The following DRAM1 variants were observed in gnomAD, a reference collection of about 807,000 sequenced individuals.
DRAM1 encodes the protein DNA damage-regulated autophagy modulator protein 1.
A neutral mutation model predicts 28.5 loss-of-function variants in DRAM1; 25 were observed. The ratio of observed to expected loss-of-function variants is 0.88; its 90% confidence interval spans 0.64 to 1.23. DRAM1 has a LOEUF of 1.23. Among genes scored for constraint, DRAM1 ranks in the 50% most tolerant of loss-of-function variants. DRAM1 has a pLI of 0.00. For missense variants in DRAM1, 249 were observed against 299.2 expected, an observed-to-expected ratio of 0.83 and a Z score of 1.24; for synonymous variants, 113 against 114.2, an observed-to-expected ratio of 0.99 and a Z score of 0.07.
At chr12:101,879,296 G>A (rs1293910748) in intron 1 of DRAM1, among the ~76,000 whole-genome samples, 2 of 152,078 alleles carry the variant, frequency 1.3e-5, no homozygotes, top group Admixed American at 1.3e-4. Context: ...GTGTTCCCAG[G>A]GAACCAGCAT....
chr12:101,914,688 C>G (rs1307191074), intron 5 of DRAM1, among the ~76,000 whole-genome samples: 2 of 151,988 alleles, frequency 1.3e-5, no homozygotes, highest in African/African-American at 4.8e-5. Context: ...GACAGAGTCT[C>G]GCTCTGTCAC....
chr12:101,891,073 A>G (rs896500904), intron 1 of DRAM1, among the ~76,000 whole-genome samples: 3 of 152,184 alleles, frequency 2.0e-5, no homozygotes, highest in Non-Finnish European at 2.9e-5. Context: ...TAAAACAGTC[A>G]TCACCAAGTG....
At chr12:101,916,825 G>A (rs1177960168) in intron 5 of DRAM1, among the ~76,000 whole-genome samples, 2 of 152,196 alleles carry the variant, frequency 1.3e-5, no homozygotes, top group African/African-American at 4.8e-5. Flanking sequence ...GGGTGGCCAT[G>A]GGATAGAGGA....
Position 101,897,871 on chromosome 12 carries a change from GAAC to G in DRAM1, c.145_147del (p.Thr49del), listed in dbSNP as rs754819729. 18 of 1,610,174 alleles carry G rather than the reference GAAC, an allele frequency of 1.1e-5. No homozygotes were observed. The highest frequency in any genetic ancestry group is 8.5e-7 in the Non-Finnish European group (1 of 1,177,094). ...TTTCTTCCCTTTGCCAGTGATACGG[GAAC>G]AACACCTCCAGAGAGTGGTATTTTT... On this transcript the variant is annotated inframe_deletion, in exon 2 of 7. Coordinates refer to ENST00000258534, the MANE Select transcript of DRAM1 (RefSeq NM_018370.3).
rs192499663 is a variant in DRAM1, at chr12:101,899,851, T to A, written c.200-1440T>A. On this transcript the variant is annotated intron_variant, in intron 2 of 6. Transcript: ENST00000258534. Reference sequence around the variant, plus strand: ...CAAGGATGTATTATCATTTATTTAATCAGTTCCCTATTGTCCAACATTTAG... The same window carrying A: ...CAAGGATGTATTATCATTTATTTAAACAGTTCCCTATTGTCCAACATTTAG... Among the ~76,000 whole-genome samples the A allele has an allele frequency of 3.1e-4, 48 of 152,382 alleles. No homozygotes were observed. In the East Asian group the frequency reaches 4.8e-3, roughly 15 times the overall value.
At chr12:101,913,517 C>T (rs1874117240) in intron 4 of DRAM1, among the ~76,000 whole-genome samples, 1 of 151,708 alleles carries the variant, frequency 6.6e-6, no homozygotes, top group Admixed American at 6.6e-5. Flanking sequence ...ACCAGCCTGA[C>T]CAACATGGAG....
intron 3 of DRAM1, among the ~76,000 whole-genome samples, chr12:101,907,529 A>T (rs1393537840): frequency 2.6e-5 from 4 of 152,128 alleles, no homozygotes; most frequent in Non-Finnish European, 5.9e-5. Flanking sequence ...TCACGAGATC[A>T]GGAGTTCGAG....
Position 101,914,227 on chromosome 12 carries a change from GA to G in DRAM1, c.578del (p.Lys193ArgfsTer7). The G allele has an allele frequency of 6.2e-7, 1 of 1,607,174 alleles. No homozygotes were observed. Among genetic ancestry groups the G allele is most frequent in the Admixed American group, 1.7e-5 (1 of 57,872 alleles). Reference sequence around the variant, plus strand: ...AACCAAGCTGGAGTGGAATCCAAGAGAAAAGGTAACATTTAAGTTGTTGTGA... The same window carrying G: ...AACCAAGCTGGAGTGGAATCCAAGAGAAAGGTAACATTTAAGTTGTTGTGA... ...SITKLEWNPREKDYVYHVVSA... is the reference protein window; with the variant it reads ...SITKLEWNPRXKDYVYHVVSA... On this transcript the variant is annotated frameshift_variant, in exon 5 of 7. Coordinates refer to ENST00000258534, the MANE Select transcript of DRAM1 (RefSeq NM_018370.3). LOFTEE classifies it high-confidence loss of function.
At chr12:101,915,212 C>G (rs1379870212) in intron 5 of DRAM1, among the ~76,000 whole-genome samples, 1 of 151,988 alleles carries the variant, frequency 6.6e-6, no homozygotes, top group African/African-American at 2.4e-5. Context: ...ATCTCCTGAC[C>G]TCGTGATCTG....
chr12:101,920,000 T>C (rs1874415799), intron 5 of DRAM1, 109 bp from the exon 6 acceptor site: 2 of 659,940 alleles, frequency 3.0e-6, no homozygotes, highest in East Asian at 3.0e-5. Flanking sequence ...TTCTGACTTA[T>C]GCTCACTGGA....
Position 101,908,411 on chromosome 12 carries a change from T to C in DRAM1, c.520+48T>C, listed in dbSNP as rs150035520. On this transcript the variant is annotated intron_variant, in intron 4 of 6. Coordinates refer to ENST00000258534, the MANE Select transcript of DRAM1 (RefSeq NM_018370.3). ...CTTGTTAAAGGAATAAAACATTCAG[T>C]GACACTTGTTAAAGAAGGGTAATGA... 147 of 1,553,224 alleles carry C rather than the reference T, an allele frequency of 9.5e-5. No individual in the cohort carries two copies. The African/African-American group carries it at 1.9e-3, about 20-fold the overall frequency.
intron 1 of DRAM1, among the ~76,000 whole-genome samples, chr12:101,885,912 T>C (rs577207745): frequency 7.9e-4 from 121 of 152,268 alleles, no homozygotes; most frequent in Middle Eastern, 6.8e-3. Context: ...TCCATGAGGA[T>C]AGAGATTTGG....
In DRAM1 at chr12:101,890,939, CG is replaced by C. The variant is rs540301844; in HGVS notation, c.132-6920del. Among the ~76,000 whole-genome samples the C allele has an allele frequency of 5.5e-4, 84 of 151,982 alleles. 1 individual carries two copies. In the South Asian group the frequency reaches 0.016, roughly 29 times the overall value. On this transcript the variant is annotated intron_variant, in intron 1 of 6. Transcript: ENST00000258534. The stretch of plus-strand genomic sequence containing the variant: ...CTAATTTTTATACTTTTAATAGAGA[CG>C]GGGTTTCACCATGTTGGCCAGGATG...
chr12:101,921,181 T>C (rs1239897957), intron 6 of DRAM1, 35 bp from the exon 7 acceptor site: 1 of 1,476,890 alleles, frequency 6.8e-7, no homozygotes, highest in Non-Finnish European at 9.5e-7. Flanking sequence ...TTGTTTAACT[T>C]CTTTTAAACC....
intron 4 of DRAM1, 40 bp downstream of exon 4, chr12:101,908,403 A>T: frequency 6.4e-7 from 1 of 1,562,126 alleles, no homozygotes; most frequent in East Asian, 2.2e-5. Context: ...AAGGAATAAA[A>T]CATTCAGTGA....
chr12:101,882,555 G>A (rs961675169), intron 1 of DRAM1, among the ~76,000 whole-genome samples: 18 of 151,200 alleles, frequency 1.2e-4, no homozygotes, highest in Non-Finnish European at 2.4e-4. Context: ...TCAGCATATT[G>A]GATAAATTGG....
chr12:101,904,388 CT>C (rs386377571), intron 3 of DRAM1, among the ~76,000 whole-genome samples: 56 of 102,982 alleles, frequency 5.4e-4, no homozygotes, highest in Non-Finnish European at 8.3e-4. Context: ...TTCACATATT[CT>C]TTTTTTTTTT....
intron 1 of DRAM1, among the ~76,000 whole-genome samples, chr12:101,879,677 G>A (rs1009604705): frequency 6.6e-6 from 1 of 151,862 alleles, no homozygotes; most frequent in Non-Finnish European, 1.5e-5. Flanking sequence ...AAGCAGGATA[G>A]ATCCTTCTAG....
chr12:101,894,092 G>C (rs1873250850), intron 1 of DRAM1, among the ~76,000 whole-genome samples: 2 of 151,640 alleles, frequency 1.3e-5, no homozygotes, highest in African/African-American at 4.8e-5. Flanking sequence ...CGCCATGCCT[G>C]GCTTTTTGTA....
Sources: allele counts gnomAD v4.1 joint callset (sites outside exome capture counted in the v4.1 genomes callset), GRCh38; gene constraint gnomAD v4.1.1; transcripts MANE v1.5; gene names NCBI Gene and HGNC (gene_info 2026-07-23, HGNC 2026-07-21).